The following EVI5 variants were observed in gnomAD, a reference collection of about 807,000 sequenced individuals.
EVI5 encodes ecotropic viral integration site 5.
EVI5 carries 73 observed loss-of-function variants against 112.0 expected under a neutral mutation model. The ratio of observed to expected loss-of-function variants is 0.65; its 90% CI spans 0.54 to 0.79. The LOEUF is 0.79. Among genes scored for constraint, EVI5 ranks in the 30% least tolerant of loss-of-function variants. The pLI, the probability that EVI5 is intolerant of heterozygous loss-of-function variation, is 0.00. For missense variants in EVI5, 900 were observed against 968.8 expected (o/e 0.93, Z 0.94); for synonymous variants, 305 against 319.9 (o/e 0.95, Z 0.50).
intron 13 of EVI5, among the ~76,000 whole-genome samples, chr1:92,653,633 G>A (rs1486311296): frequency 6.6e-6 from 1 of 152,218 alleles, no homozygotes; most frequent in Non-Finnish European, 1.5e-5. Context: ...GGGGCAGACA[G>A]GGGTGACTGT....
intron 19 of EVI5, among the ~76,000 whole-genome samples, chr1:92,530,426 T>C (rs1171749376): frequency 6.6e-6 from 1 of 152,038 alleles, no homozygotes; most frequent in Non-Finnish European, 1.5e-5. Context: ...CAACACAGCG[T>C]TCGAGCTCTG....
intron 16 of EVI5, among the ~76,000 whole-genome samples, chr1:92,616,865 T>G (rs923655544): frequency 6.6e-6 from 1 of 152,144 alleles, no homozygotes; most frequent in Non-Finnish European, 1.5e-5. Context: ...CATCTAGCCA[T>G]GAAGTGGGCT....
chr1:92,550,483 C>T (rs1344112704), intron 19 of EVI5, among the ~76,000 whole-genome samples: 2 of 151,212 alleles, frequency 1.3e-5, no homozygotes, highest in Non-Finnish European at 2.9e-5. Flanking sequence ...TACCCTAGAA[C>T]TTAAAGTATA....
At chr1:92,760,199 G>A (rs1681598761) in intron 1 of EVI5, among the ~76,000 whole-genome samples, 1 of 152,102 alleles carries the variant, frequency 6.6e-6, no homozygotes, top group African/African-American at 2.4e-5. Context: ...AGAAAAATAT[G>A]TTCTAATCTG....
chr1:92,769,509 G>T (rs1389595887), intron 1 of EVI5, among the ~76,000 whole-genome samples: 1 of 152,100 alleles, frequency 6.6e-6, no homozygotes, highest in African/African-American at 2.4e-5. Flanking sequence ...CCCAGGCAAA[G>T]AGCTCCACAT....
At chr1:92,784,623 G>A (rs1429720224) in intron 1 of EVI5, 2 of 301,332 alleles carry the variant, frequency 6.6e-6, no homozygotes, top group African/African-American at 4.5e-5. Flanking sequence ...CCCACGAGAA[G>A]GAGGGCTGCG....
At chr1:92,550,808 A>ATATATATATT (rs1557766590) in intron 19 of EVI5, among the ~76,000 whole-genome samples, 2 of 112,186 alleles carry the variant, frequency 1.8e-5, no homozygotes, top group Non-Finnish European at 3.5e-5. Flanking sequence ...ATATATATAT[A>ATATATATATT]TATATAACAA....
rs1664359891 is a variant in EVI5, at chr1:92,663,419, C to G, written c.1245+1G>C. ...AAACTAAAACAAAACAAAAACTATA[C>G]CTGTATCAATCTATCTGCCAAGGAA... On this transcript the variant is annotated splice_donor_variant, in intron 12 of 19. Transcript: ENST00000684568. LOFTEE classifies it high-confidence loss of function. The G allele has an allele frequency of 3.5e-6, 5 of 1,418,218 alleles. No homozygotes were observed. Among genetic ancestry groups the G allele is most frequent in the Non-Finnish European group, 4.7e-6 (5 of 1,060,300 alleles). 87.9% of individuals were successfully genotyped at this position (1,418,218 alleles called of 1,614,324 possible).
At chr1:92,702,064 A>C in intron 5 of EVI5, 77 bp downstream of exon 5, 1 of 714,026 alleles carries the variant, frequency 1.4e-6, no homozygotes, top group South Asian at 1.7e-5. Context: ...ATTTAATAAA[A>C]CAAAGATGCT....
chr1:92,784,431 T>G, intron 1 of EVI5: 1 of 985,250 alleles, frequency 1.0e-6, no homozygotes, highest in Non-Finnish European at 1.2e-6. Context: ...ACTTTGCAAG[T>G]CAGGGGGGCG....
At chr1:92,601,405 A>T (rs529443459) in intron 18 of EVI5, among the ~76,000 whole-genome samples, 1 of 152,250 alleles carries the variant, frequency 6.6e-6, no homozygotes, top group Admixed American at 6.5e-5. Context: ...AGATATCTGC[A>T]CTCCCGTGTT....
At chr1:92,611,696 CACAA>C (rs1557897693) in intron 16 of EVI5, among the ~76,000 whole-genome samples, 1 of 29,428 alleles carries the variant, frequency 3.4e-5, no homozygotes, top group Non-Finnish European at 6.2e-5. Flanking sequence ...GAGACTCCGT[CACAA>C]AAAAAAAAAA....
At chr1:92,537,752 A>T (rs1664127043) in intron 19 of EVI5, among the ~76,000 whole-genome samples, 1 of 151,816 alleles carries the variant, frequency 6.6e-6, no homozygotes. Flanking sequence ...TTTATTACAC[A>T]GACAAGAGCC....
intron 19 of EVI5, among the ~76,000 whole-genome samples, chr1:92,531,594 C>G (rs1662874956): frequency 6.6e-6 from 1 of 152,210 alleles, no homozygotes; most frequent in African/African-American, 2.4e-5. Context: ...GATCTCTCAG[C>G]AGAAATCCTA....
intron 13 of EVI5, among the ~76,000 whole-genome samples, chr1:92,654,101 C>A (rs1662616246): frequency 6.6e-6 from 1 of 152,012 alleles, no homozygotes; most frequent in Non-Finnish European, 1.5e-5. Context: ...CCTGACTTGT[C>A]CCCTGCTAGG....
At chr1:92,553,304 T>TC (rs1667222087) in intron 19 of EVI5, among the ~76,000 whole-genome samples, 1 of 138,052 alleles carries the variant, frequency 7.2e-6, no homozygotes, top group East Asian at 2.1e-4. Flanking sequence ...CCAATTTTTT[T>TC]TTTTTTTTTT....
intron 14 of EVI5, among the ~76,000 whole-genome samples, chr1:92,626,486 T>C (rs187416328): frequency 4.1e-4 from 62 of 152,326 alleles, no homozygotes; most frequent in African/African-American, 1.5e-3. Context: ...CTATGAACAT[T>C]GGTGCAAAAG....
intron 16 of EVI5, among the ~76,000 whole-genome samples, chr1:92,616,864 A>G (rs1382681077): frequency 6.6e-6 from 1 of 152,172 alleles, no homozygotes; most frequent in East Asian, 1.9e-4. Flanking sequence ...CCATCTAGCC[A>G]TGAAGTGGGC....
chr1:92,667,705 T>C (rs1408225312), intron 10 of EVI5, among the ~76,000 whole-genome samples: 1 of 152,166 alleles, frequency 6.6e-6, no homozygotes. Context: ...AACCTCTGCC[T>C]CCCAGGTTCA....
Sources: gnomAD v4.1 joint callset for allele counts (sites outside exome capture counted in the v4.1 genomes callset) on GRCh38, gnomAD v4.1.1 for gene constraint, MANE v1.5 for transcripts, NCBI Gene and HGNC (gene_info 2026-07-23, HGNC 2026-07-21) for gene names.